The following RIMS2 variants were observed in gnomAD, a reference collection of about 807,000 sequenced individuals.
RIMS2 encodes regulating synaptic membrane exocytosis 2.
A neutral mutation model predicts 174.4 loss-of-function variants in RIMS2; 59 were observed. That is an observed-to-expected ratio of 0.34 (90% CI 0.27 to 0.42). RIMS2 has a LOEUF of 0.42. Among genes scored for constraint, RIMS2 ranks in the 10% least tolerant of loss-of-function variants. The probability of loss-of-function intolerance (pLI) is 1.00; values close to 1 mark genes in which losing one functional copy is unlikely to be tolerated. For missense variants in RIMS2, 1,620 were observed against 1,666.3 expected, an observed-to-expected ratio of 0.97 and a Z score of 0.48; for synonymous variants, 606 against 572.5, an observed-to-expected ratio of 1.06 and a Z score of -0.84.
chr8:104,029,159 G>A (rs2096327548), intron 19 of RIMS2, among the ~76,000 whole-genome samples: 1 of 152,122 alleles, frequency 6.6e-6, no homozygotes. Flanking sequence ...ATTCTAACTA[G>A]CATATGAACC....
chr8:104,058,846 T>G (rs192563613), intron 19 of RIMS2, among the ~76,000 whole-genome samples: 2 of 152,320 alleles, frequency 1.3e-5, no homozygotes, highest in African/African-American at 4.8e-5. Flanking sequence ...CATTGCTTGT[T>G]TTTCTCAGGT....
In RIMS2 at chr8:103,717,400, G is replaced by C. The variant is rs185224175; in HGVS notation, c.387+20104G>C. 3.6e-3 allele frequency among the ~76,000 whole-genome samples: 538 copies of C among 151,274 alleles called. 3 individuals carry two copies. Among genetic ancestry groups the C allele is most frequent in the African/African-American group, 0.012 (511 of 41,280 alleles). ...AATTTCTGTAGACATGTCCCAGACT[G>C]TGCGTCATCCTTGATCTGGGACAGG... is the stretch of plus-strand genomic sequence containing the variant. On this transcript the variant is annotated intron_variant, in intron 2 of 23. Coordinates refer to ENST00000504942, the Ensembl canonical transcript of RIMS2.
intron 3 of RIMS2, among the ~76,000 whole-genome samples, chr8:103,866,113 A>G (rs2099083270): frequency 6.6e-6 from 1 of 152,174 alleles, no homozygotes; most frequent in Non-Finnish European, 1.5e-5. Context: ...AGTCCTTAAA[A>G]TTGTCTAAGA....
upstream of RIMS2, chr8:103,500,705 C>A (rs1230845171): frequency 7.5e-5 from 40 of 533,646 alleles, no homozygotes; most frequent in East Asian, 1.6e-4. Context: ...TCCTTCCCCA[C>A]GCGCTCGCCC....
intron 19 of RIMS2, among the ~76,000 whole-genome samples, chr8:104,185,246 A>G (rs2098961970): frequency 6.6e-6 from 1 of 151,566 alleles, no homozygotes; most frequent in Admixed American, 6.6e-5. Context: ...GTAAACAAAA[A>G]TGATTCTTTA....
intron 1 of RIMS2, among the ~76,000 whole-genome samples, chr8:103,677,275 G>A (rs1175284893): frequency 6.6e-6 from 1 of 151,944 alleles, no homozygotes; most frequent in Non-Finnish European, 1.5e-5. Context: ...GAAACAAAGG[G>A]GATGGTACAC....
intron 17 of RIMS2, among the ~76,000 whole-genome samples, chr8:104,012,229 A>G (rs2095785633): frequency 6.6e-6 from 1 of 152,046 alleles, no homozygotes; most frequent in African/African-American, 2.4e-5. Flanking sequence ...AATGTAAAAT[A>G]ATCACAAGAT....
At chr8:103,740,965 C>T (rs2097756234) in intron 2 of RIMS2, among the ~76,000 whole-genome samples, 1 of 151,754 alleles carries the variant, frequency 6.6e-6, no homozygotes, top group Non-Finnish European at 1.5e-5. Flanking sequence ...AAAAAGATAA[C>T]CTTTTTATAT....
intron 1 of RIMS2, among the ~76,000 whole-genome samples, chr8:103,675,526 C>G (rs1397912958): frequency 1.3e-5 from 2 of 152,072 alleles, no homozygotes; most frequent in Non-Finnish European, 2.9e-5. Flanking sequence ...GATCCCAGAA[C>G]CTAGAGGCTT....
chr8:103,583,475 A>G (rs544996483), intron 1 of RIMS2, among the ~76,000 whole-genome samples: 56 of 152,328 alleles, frequency 3.7e-4, no homozygotes, highest in African/African-American at 1.1e-3. Flanking sequence ...GGAGAAATAT[A>G]TGTGACATTT....
At chr8:103,518,286 G>A (rs1358513378) in intron 1 of RIMS2, among the ~76,000 whole-genome samples, 2 of 151,868 alleles carry the variant, frequency 1.3e-5, no homozygotes, top group Non-Finnish European at 2.9e-5. Flanking sequence ...CAATCTTTTG[G>A]CTTCCCTGGG....
intron 19 of RIMS2, among the ~76,000 whole-genome samples, chr8:104,019,117 G>T (rs1265236045): frequency 6.6e-6 from 1 of 152,252 alleles, no homozygotes; most frequent in East Asian, 1.9e-4. Context: ...AGAGTCACTT[G>T]AACCTGGGAG....
At chr8:103,756,571 C>T (rs889451579) in intron 2 of RIMS2, among the ~76,000 whole-genome samples, 4 of 151,458 alleles carry the variant, frequency 2.6e-5, no homozygotes, top group Admixed American at 6.6e-5. Flanking sequence ...GTGGGGTGGG[C>T]CACGCCACTA....
intron 2 of RIMS2, among the ~76,000 whole-genome samples, chr8:103,749,761 G>A (rs555038386): frequency 3.7e-4 from 56 of 152,148 alleles, no homozygotes; most frequent in South Asian, 8.3e-4. Flanking sequence ...TTGTGAAGTA[G>A]TGGGAATAAA....
At chr8:104,160,144 A>C (rs1399057824) in intron 19 of RIMS2, among the ~76,000 whole-genome samples, 2 of 152,016 alleles carry the variant, frequency 1.3e-5, no homozygotes, top group Non-Finnish European at 2.9e-5. Flanking sequence ...ATCTCAAAAA[A>C]AAAAAGAGTC....
chr8:103,687,092 G>C (rs1445494754), intron 1 of RIMS2, among the ~76,000 whole-genome samples: 1 of 152,024 alleles, frequency 6.6e-6, no homozygotes, highest in Non-Finnish European at 1.5e-5. Flanking sequence ...TTTTAGATTT[G>C]AAAGGTTCTT....
At chr8:103,541,602 C>T (rs980935594) in intron 1 of RIMS2, among the ~76,000 whole-genome samples, 4 of 152,142 alleles carry the variant, frequency 2.6e-5, no homozygotes, top group Non-Finnish European at 5.9e-5. Context: ...AACATGAACA[C>T]ATATTAAAGT....
chr8:103,633,915 T>G (rs1302092810), intron 1 of RIMS2, among the ~76,000 whole-genome samples: 3 of 152,182 alleles, frequency 2.0e-5, no homozygotes, highest in Admixed American at 2.0e-4. Flanking sequence ...ATTTGGATGT[T>G]CTCTTTTCTT....
At chr8:103,643,184 T>C (rs78716092) in intron 1 of RIMS2, among the ~76,000 whole-genome samples, 18,852 of 152,034 alleles carry the variant, frequency 0.12, 1,269 homozygotes, top group Middle Eastern at 0.22. Flanking sequence ...CCAAGTCTAC[T>C]GCTCTGTTGA....
Sources: gnomAD v4.1 joint callset for allele counts (sites outside exome capture counted in the v4.1 genomes callset) on GRCh38, gnomAD v4.1.1 for gene constraint, MANE v1.5 for transcripts, NCBI Gene and HGNC (gene_info 2026-07-23, HGNC 2026-07-21) for gene names.